Variants in POMGNT1 observed in about 807,000 individuals in gnomAD.
POMGNT1 encodes protein O-linked mannose N-acetylglucosaminyltransferase 1 (beta 1,2-).
In POMGNT1, 67 loss-of-function variants were observed where a neutral mutation model predicts 95.6. The observed-to-expected ratio is 0.70, with a 90% CI of 0.58 to 0.86. The LOEUF (loss-of-function observed/expected upper bound fraction) is 0.86. POMGNT1 is among the 40% of genes least tolerant of loss of function. The pLI, the probability that POMGNT1 is intolerant of heterozygous loss-of-function variation, is 0.00. For missense variants in POMGNT1, 719 were observed against 855.2 expected, an observed-to-expected ratio of 0.84 and a Z score of 1.99; for synonymous variants, 298 against 317.9, an observed-to-expected ratio of 0.94 and a Z score of 0.66.
At chr1:46,195,975 C>A (rs771193567) in intron 5 of POMGNT1, 37 bp downstream of exon 5, 4 of 1,614,154 alleles carry the variant, frequency 2.5e-6, no homozygotes, top group Admixed American at 1.7e-5. Flanking sequence ...AAGAGCCCAG[C>A]TCCAGCCCTC....
chr1:46,200,856 G>A (rs2148230063), upstream of POMGNT1, among the ~76,000 whole-genome samples: 1 of 152,314 alleles, frequency 6.6e-6, no homozygotes, highest in Admixed American at 6.5e-5. Context: ...GGCAAATGTT[G>A]CCGGGTTCGG....
At chr1:46,219,276 C>T (rs904710623) in intron 1 of POMGNT1, among the ~76,000 whole-genome samples, 4 of 147,232 alleles carry the variant, frequency 2.7e-5, no homozygotes, top group Admixed American at 6.9e-5. Context: ...TCCTGGACAA[C>T]AAGAGCGAAA....
chr1:46,203,208 C>A, upstream of POMGNT1: 1 of 375,940 alleles, frequency 2.7e-6, no homozygotes, highest in Non-Finnish European at 4.7e-6. Context: ...CGCCCAGCCC[C>A]ACGCAATCCA....
chr1:46,189,186 C>G lies in POMGNT1; in HGVS notation c.*84G>C. On this transcript the variant is annotated 3_prime_UTR_variant, in exon 22 of 22. Transcript: ENST00000371984. ...AGGTAGCCCCAGCCCCTACCAGCAT[C>G]TACAAAATCCTACAGGATGGAGGGA... 1.3e-6 allele frequency: 2 copies of G among 1,539,114 alleles called. No individual in the cohort carries two copies. The highest frequency in any genetic ancestry group is 1.7e-6 in the Non-Finnish European group (2 of 1,148,214).
At chr1:46,211,391 T>C (rs914984880) in intron 1 of POMGNT1, among the ~76,000 whole-genome samples, 11 of 151,002 alleles carry the variant, frequency 7.3e-5, no homozygotes, top group Non-Finnish European at 1.3e-4. Context: ...TAACAAACAC[T>C]GTAACAATGG....
Position 46,193,231 on chromosome 1 carries a change from G to A in POMGNT1, c.1111-16C>T, listed in dbSNP as rs1261646197. 1.9e-6 allele frequency: 3 copies of A among 1,614,022 alleles called. No individual in the cohort carries two copies. Among genetic ancestry groups the A allele is most frequent in the African/African-American group, 2.7e-5 (2 of 74,914 alleles). ...CCTTGTAGTGCTGGGAGTGGGGTGGGAATAGGGCACATGAGCTTTAGGGTA... is the reference window on the plus strand; with the variant it reads ...CCTTGTAGTGCTGGGAGTGGGGTGGAAATAGGGCACATGAGCTTTAGGGTA... On this transcript the variant is annotated splice_polypyrimidine_tract_variant and intron_variant, in intron 12 of 21. Coordinates refer to ENST00000371984, the MANE Select transcript of POMGNT1 (RefSeq NM_017739.4).
Position 46,195,869 on chromosome 1 carries a change from G to A in POMGNT1, c.476C>T (p.Ala159Val). ...TACCATGTTGAGGAATAGCACCATGGCCTCATCCTCATGAGGTGAGTACGT... is the reference window on the plus strand; with the variant it reads ...TACCATGTTGAGGAATAGCACCATGACCTCATCCTCATGAGGTGAGTACGT... ...FDTYSPHEDE[A>V]MVLFLNMVAP... The change falls in exon 6 of 22, where the codon GCC (alanine) becomes GTC (valine). Residue 159 changes from alanine to valine, a missense_variant. Physicochemically the swap from Ala to Val is moderately conservative, Grantham distance 64. Coordinates refer to ENST00000371984, the MANE Select transcript of POMGNT1 (RefSeq NM_017739.4). 6.2e-7 allele frequency: 1 copy of A among 1,613,068 alleles called. No individual in the cohort carries two copies. Among genetic ancestry groups the A allele is most frequent in the Non-Finnish European group, 8.5e-7 (1 of 1,179,558 alleles).
chr1:46,188,698 CT>C lies in POMGNT1; in HGVS notation c.*571del, dbSNP rs1179726772. 3.8e-6 allele frequency: 6 copies of C among 1,596,740 alleles called. No individual in the cohort carries two copies. Among genetic ancestry groups the C allele is most frequent in the South Asian group, 1.1e-5 (1 of 89,878 alleles). On this transcript the variant is annotated 3_prime_UTR_variant, in exon 22 of 22. Coordinates refer to ENST00000371984, the MANE Select transcript of POMGNT1 (RefSeq NM_017739.4). ...ACAAGACATCCCCAGAGGGCTTCTC[CT>C]TTTTTAATCAATGACCAACTTATCC...
intron 18 of POMGNT1, 93 bp downstream of exon 18, chr1:46,190,627 G>A (rs1460950585): frequency 1.3e-6 from 2 of 1,533,638 alleles, no homozygotes; most frequent in Non-Finnish European, 1.8e-6. Flanking sequence ...CAGGGCTGGA[G>A]TAAACACACA....
chr1:46,212,105 T>C (rs1658915440), intron 1 of POMGNT1, among the ~76,000 whole-genome samples: 1 of 152,132 alleles, frequency 6.6e-6, no homozygotes, highest in Non-Finnish European at 1.5e-5. Flanking sequence ...TGGTTTATCA[T>C]AGATGTGAAT....
At position 46,219,566 on chromosome 1, in the gene POMGNT1, A is replaced by G. The variant is rs537698106; in HGVS notation, c.-51+139T>C. On this transcript the variant is annotated intron_variant, in intron 1 of 22. Transcript: ENST00000371992. ...CAGTCTGTCTGCTTCTGAAGCCTAC[A>G]CTGCAAGCCGTTATAATTCCATCCG... 133 of 959,884 alleles carry G rather than the reference A, an allele frequency of 1.4e-4. No individual in the cohort carries two copies. The African/African-American group carries it at 2.1e-3, about 15-fold the overall frequency. The allele number at this position is 959,884 out of a possible 1,614,324, so 59.5% of individuals were successfully genotyped here.
rs574440363 is a variant in POMGNT1, at chr1:46,197,312, T to C, written c.121-228A>G. 63 of 1,489,898 alleles carry C rather than the reference T, an allele frequency of 4.2e-5. No homozygotes were observed. In the African/African-American group the frequency reaches 8.2e-4, roughly 19 times the overall value. 92.3% of individuals were successfully genotyped at this position (1,489,898 alleles called of 1,614,324 possible). ...CTCCATTAGGGCCCTCCCTACCCAGTGCTCCTGTATTCTTCTATTTGAGAC... is the reference window on the plus strand; with the variant it reads ...CTCCATTAGGGCCCTCCCTACCCAGCGCTCCTGTATTCTTCTATTTGAGAC... On this transcript the variant is annotated intron_variant, in intron 2 of 21. Coordinates refer to ENST00000371984, the MANE Select transcript of POMGNT1 (RefSeq NM_017739.4).
At chr1:46,206,227 G>T (rs1458801539) in intron 1 of POMGNT1, among the ~76,000 whole-genome samples, 1 of 152,226 alleles carries the variant, frequency 6.6e-6, no homozygotes, top group African/African-American at 2.4e-5. Flanking sequence ...GTCTTGAGCA[G>T]CACTCTGTCT....
At chr1:46,218,595 G>A (rs183741251) in intron 1 of POMGNT1, among the ~76,000 whole-genome samples, 141 of 152,250 alleles carry the variant, frequency 9.3e-4, no homozygotes, top group African/African-American at 3.3e-3. Context: ...GTAGATGTTC[G>A]GATTCGGCAC....
upstream of POMGNT1, among the ~76,000 whole-genome samples, chr1:46,199,903 A>T (rs1031918044): frequency 6.6e-6 from 1 of 152,200 alleles, no homozygotes; most frequent in African/African-American, 2.4e-5. Flanking sequence ...GCTGGGCACC[A>T]TGACTCACGT....
rs1657534544 is a variant in POMGNT1, at chr1:46,189,068, A to G, written c.*202T>C. 1 of 1,521,344 alleles carries G rather than the reference A, an allele frequency of 6.6e-7. No individual in the cohort carries two copies. Among genetic ancestry groups the G allele is most frequent in the African/African-American group, 1.4e-5 (1 of 72,048 alleles). The allele number at this position is 1,521,344 out of a possible 1,614,324, so 94.2% of individuals were successfully genotyped here. ...ACTCTCCTGCCCTTCTCCAACAAGGAAGTAAATAAATAGACTTTTAACTCA... is the reference window on the plus strand; with the variant it reads ...ACTCTCCTGCCCTTCTCCAACAAGGGAGTAAATAAATAGACTTTTAACTCA... On this transcript the variant is annotated 3_prime_UTR_variant, in exon 22 of 22. Coordinates refer to ENST00000371984, the MANE Select transcript of POMGNT1 (RefSeq NM_017739.4).
In POMGNT1 at chr1:46,197,854, G is replaced by C. The variant is rs372379416; in HGVS notation, c.-33C>G. 6.2e-7 allele frequency: 1 copy of C among 1,613,150 alleles called. No homozygotes were observed. Among genetic ancestry groups the C allele is most frequent in the South Asian group, 1.1e-5 (1 of 91,040 alleles). ...TGGCGGGTCACCAATGTCCTGGCCA[G>C]CCCATGACTTCAGGAATCTGAAGGG... On this transcript the variant is annotated 5_prime_UTR_variant, in exon 2 of 22. Transcript: ENST00000371984.
At chr1:46,210,217 T>TA (rs1489600497) in intron 1 of POMGNT1, among the ~76,000 whole-genome samples, 1 of 152,206 alleles carries the variant, frequency 6.6e-6, no homozygotes, top group East Asian at 1.9e-4. Context: ...ATTTCAGGTA[T>TA]AAAATTTTTT....
chr1:46,197,572 G>C, intron 2 of POMGNT1, 130 bp downstream of exon 2: 2 of 1,566,372 alleles, frequency 1.3e-6, no homozygotes, highest in Non-Finnish European at 1.7e-6. Context: ...GACACATAGA[G>C]GTCTCCCCTC....
Sources: gnomAD v4.1 joint callset for allele counts (sites outside exome capture counted in the v4.1 genomes callset) on GRCh38, gnomAD v4.1.1 for gene constraint, MANE v1.5 for transcripts, NCBI Gene and HGNC (gene_info 2026-07-23, HGNC 2026-07-21) for gene names.